GSR: variants seen among roughly 807,000 people sequenced by gnomAD.
GSR encodes glutathione-disulfide reductase, also known as glutathione reductase, mitochondrial.
A neutral mutation model predicts 56.5 loss-of-function variants in GSR; 48 were observed. The ratio of observed to expected loss-of-function variants is 0.85; its 90% CI spans 0.67 to 1.08. GSR has a LOEUF of 1.08. GSR is among the 50% of genes least tolerant of loss of function. GSR has a pLI of 0.00. For missense variants in GSR, 694 were observed against 703.3 expected, an observed-to-expected ratio of 0.99 and a Z score of 0.15; for synonymous variants, 264 against 270.8, an observed-to-expected ratio of 0.97 and a Z score of 0.25.
At chr8:30,718,843 C>G (rs1804430419) in intron 1 of GSR, among the ~76,000 whole-genome samples, 1 of 152,068 alleles carries the variant, frequency 6.6e-6, no homozygotes, top group Non-Finnish European at 1.5e-5. Context: ...CTTCTGCCTC[C>G]CAGGTTCCAG....
chr8:30,682,982 C>G (rs987985907), intron 10 of GSR, among the ~76,000 whole-genome samples: 1 of 152,080 alleles, frequency 6.6e-6, no homozygotes, highest in African/African-American at 2.4e-5. Context: ...CGTGTGCCAC[C>G]ACGCCCAGCT....
chr8:30,684,446 G>A (rs1405181758), intron 9 of GSR, among the ~76,000 whole-genome samples: 2 of 152,052 alleles, frequency 1.3e-5, no homozygotes, highest in Admixed American at 1.3e-4. Flanking sequence ...AAGCCCAGGA[G>A]TTTGAGATCA....
intron 1 of GSR, among the ~76,000 whole-genome samples, chr8:30,718,383 A>G (rs932783386): frequency 2.4e-4 from 37 of 152,290 alleles, no homozygotes; most frequent in African/African-American, 8.4e-4. Flanking sequence ...CTCCTAGCTC[A>G]GTTAAGGGAA....
chr8:30,690,234 G>A (rs776924474), intron 8 of GSR, among the ~76,000 whole-genome samples: 3 of 150,520 alleles, frequency 2.0e-5, no homozygotes, highest in Non-Finnish European at 4.4e-5. Context: ...CTGGAGTGCA[G>A]TGGCAAGATC....
intron 1 of GSR, among the ~76,000 whole-genome samples, chr8:30,724,203 C>T (rs577482096): frequency 1.7e-4 from 26 of 152,246 alleles, no homozygotes; most frequent in Middle Eastern, 3.4e-3. Context: ...GAGACCCTAT[C>T]TCTATAAACT....
chr8:30,711,898 A>C lies in GSR; in HGVS notation c.333+164T>G, dbSNP rs553013004. On this transcript the variant is annotated intron_variant, in intron 2 of 12. Transcript: ENST00000221130. ...TAAATAAAAAAATTTAAAAAACACAAATCAAACAAAAACAATCCTATTGCT... is the reference window on the plus strand; with the variant it reads ...TAAATAAAAAAATTTAAAAAACACACATCAAACAAAAACAATCCTATTGCT... 7.2e-5 allele frequency among the ~76,000 whole-genome samples: 11 copies of C among 152,056 alleles called. No homozygotes were observed. In the East Asian group the frequency reaches 2.1e-3, roughly 29 times the overall value.
At chr8:30,715,965 G>C (rs1391499101) in intron 1 of GSR, among the ~76,000 whole-genome samples, 1 of 152,086 alleles carries the variant, frequency 6.6e-6, no homozygotes, top group African/African-American at 2.4e-5. Context: ...TAAGCGCCAA[G>C]GTGGGCTTTC....
intron 1 of GSR, among the ~76,000 whole-genome samples, chr8:30,716,234 A>G (rs1487520390): frequency 2.0e-5 from 3 of 152,224 alleles, no homozygotes; most frequent in Non-Finnish European, 4.4e-5. Context: ...CAGCAGCAGA[A>G]TCTCCACATT....
chr8:30,713,400 G>A (rs970780220), intron 1 of GSR, among the ~76,000 whole-genome samples: 7 of 150,962 alleles, frequency 4.6e-5, no homozygotes, highest in Admixed American at 6.6e-5. Context: ...ACTATATCGC[G>A]CAGGCTGGAG....
intron 1 of GSR, 71 bp from the exon 2 acceptor site, chr8:30,712,159 T>C: frequency 1.2e-6 from 1 of 802,306 alleles, no homozygotes; most frequent in Non-Finnish European, 2.2e-6. Context: ...CTGCAAGAAA[T>C]GCACGCTAAG....
At chr8:30,684,932 TA>T (rs1803106503) in intron 9 of GSR, among the ~76,000 whole-genome samples, 1 of 312 alleles carries the variant, frequency 3.2e-3, no homozygotes. Context: ...AACATACATT[TA>T]TTTATTTATT....
intron 1 of GSR, among the ~76,000 whole-genome samples, chr8:30,717,277 A>T (rs1804365863): frequency 8.5e-6 from 1 of 117,306 alleles, no homozygotes; most frequent in African/African-American, 3.2e-5. Context: ...CATTAGAGAC[A>T]GGGTCTTACT....
At chr8:30,681,532 A>G (rs1424115779) in intron 11 of GSR, among the ~76,000 whole-genome samples, 1 of 150,828 alleles carries the variant, frequency 6.6e-6, no homozygotes, top group African/African-American at 2.4e-5. Context: ...CTCAAAAAGA[A>G]AAAAAAAAAG....
chr8:30,690,650 G>A (rs1803349241), intron 8 of GSR, among the ~76,000 whole-genome samples: 1 of 152,200 alleles, frequency 6.6e-6, no homozygotes, highest in Non-Finnish European at 1.5e-5. Flanking sequence ...TGGGGGAAGG[G>A]AAGATCATTT....
Position 30,727,816 on chromosome 8 carries a change from G to A in GSR, c.20C>T (p.Ala7Val). Residue 7 changes from alanine to valine, a missense_variant, in exon 1 of 13, where the codon GCC becomes GTC. Physicochemically the swap from Ala to Val is moderately conservative, Grantham distance 64. Coordinates refer to ENST00000221130, the MANE Select transcript of GSR (RefSeq NM_000637.5). ...GCTCGGTCCCGCGCCGGCGCTCAGG[G>A]CTCGGGGCAGCAGGGCCATGCACGC... is the stretch of plus-strand genomic sequence containing the variant. Reference protein sequence around the residue: MALLPRALSAGAGPSWR... With the variant: MALLPRVLSAGAGPSWR... The A allele has an allele frequency of 7.8e-7, 1 of 1,278,716 alleles. No individual in the cohort carries two copies. The allele number at this position is 1,278,716 out of a possible 1,614,324, so 79.2% of individuals were successfully genotyped here.
chr8:30,699,908 G>A (rs1803669338), intron 6 of GSR, among the ~76,000 whole-genome samples, 173 bp downstream of exon 6: 1 of 152,078 alleles, frequency 6.6e-6, no homozygotes. Flanking sequence ...AGATTTGAGG[G>A]ATCTACTGAG....
Position 30,712,309 on chromosome 8 carries a change from C to T in GSR, c.307-221G>A, listed in dbSNP as rs75212168. On this transcript the variant is annotated intron_variant, in intron 1 of 12. Coordinates refer to ENST00000221130, the MANE Select transcript of GSR (RefSeq NM_000637.5). ...TTCATTCATCAGCATTTTTCTTGGA[C>T]GGAGAAAGAACAATCAGCCCATTTG... 0.015 allele frequency among the ~76,000 whole-genome samples: 2,225 copies of T among 152,146 alleles called. 51 individuals are homozygous for T. Among genetic ancestry groups the T allele is most frequent in the African/African-American group, 0.051 (2,125 of 41,502 alleles).
At position 30,710,040 on chromosome 8, in the gene GSR, G is replaced by A. The variant is rs888670523; in HGVS notation, c.334-138C>T. 9.1e-6 allele frequency: 6 copies of A among 658,402 alleles called. No homozygotes were observed. In the Admixed American group the frequency reaches 1.1e-4, roughly 12 times the overall value. The allele number at this position is 658,402 out of a possible 1,614,324, so 40.8% of individuals were successfully genotyped here. On this transcript the variant is annotated intron_variant, in intron 2 of 12. Transcript: ENST00000221130. ...TTAAATTAAAAACAAACCTAGCTGG[G>A]CACGGCAGCTCACGTCTGTAATCCC...
chr8:30,703,002 G>T (rs1803793978), intron 5 of GSR, 91 bp downstream of exon 5: 7 of 1,338,826 alleles, frequency 5.2e-6, no homozygotes, highest in South Asian at 1.2e-5. Context: ...AGAGAGAACT[G>T]GTTTAGGCAG....
Sources: allele counts gnomAD v4.1 joint callset (sites outside exome capture counted in the v4.1 genomes callset), GRCh38; gene constraint gnomAD v4.1.1; transcripts MANE v1.5; gene names NCBI Gene and HGNC (gene_info 2026-07-23, HGNC 2026-07-21).